TMEM234: variants seen among roughly 807,000 people sequenced by gnomAD.
The protein encoded by TMEM234 is transmembrane protein 234.
Under a neutral mutation model 17.8 loss-of-function variants are expected in TMEM234, and 21 were observed. That is an observed-to-expected ratio of 1.18 (90% CI 0.84 to 1.70). The LOEUF (loss-of-function observed/expected upper bound fraction) is 1.70. TMEM234 is among the 40% of genes most tolerant of loss of function. TMEM234 has a pLI of 0.00. For missense variants in TMEM234, 137 were observed against 166.9 expected, an observed-to-expected ratio of 0.82 and a Z score of 0.99; for synonymous variants, 83 against 73.5, an observed-to-expected ratio of 1.13 and a Z score of -0.66.
chr1:32,222,270 T>A, intron 1 of TMEM234, 37 bp downstream of exon 1: 1 of 1,532,822 alleles, frequency 6.5e-7, no homozygotes, highest in South Asian at 1.3e-5. Flanking sequence ...GAGGCGAGGG[T>A]CGGGAAATCC....
chr1:32,221,003 G>A, intron 3 of TMEM234, 128 bp downstream of exon 3: 2 of 691,070 alleles, frequency 2.9e-6, no homozygotes, highest in Non-Finnish European at 2.5e-6. Flanking sequence ...ATAGTAAGAG[G>A]GAACTAGAGC....
At chr1:32,220,536 G>C (rs1221569815) in intron 3 of TMEM234, among the ~76,000 whole-genome samples, 1 of 152,308 alleles carries the variant, frequency 6.6e-6, no homozygotes. Flanking sequence ...TGTGGGACTT[G>C]AGAGGTGAAA....
chr1:32,218,593 G>A (rs1638622179), intron 3 of TMEM234, among the ~76,000 whole-genome samples: 1 of 151,614 alleles, frequency 6.6e-6, no homozygotes, highest in African/African-American at 2.4e-5. Context: ...ACCTGAGGTT[G>A]GGAGTTAGAG....
At chr1:32,217,506 T>C in intron 3 of TMEM234, 155 bp from the exon 4 acceptor site, 1 of 1,494,780 alleles carries the variant, frequency 6.7e-7, no homozygotes, top group Non-Finnish European at 9.0e-7. Context: ...CAAACCCACA[T>C]CTCCTGACTC....
chr1:32,217,218 T>C, intron 4 of TMEM234, 41 bp downstream of exon 4: 1 of 1,614,170 alleles, frequency 6.2e-7, no homozygotes, highest in Admixed American at 1.7e-5. Flanking sequence ...TATGTCGAGA[T>C]CCACAGAGCT....
intron 3 of TMEM234, among the ~76,000 whole-genome samples, chr1:32,220,463 C>A (rs1398963913): frequency 1.3e-5 from 2 of 152,236 alleles, no homozygotes; most frequent in Non-Finnish European, 2.9e-5. Flanking sequence ...AGGCGTGAGT[C>A]ACCATGCCCA....
In TMEM234 at chr1:32,216,289, A is replaced by AGAGGGGCTGGCAGT; in HGVS notation, c.*550_*563dup. ...GGGCTCACAGCTCTCTACCTGTTTA[A>AGAGGGGCTGGCAGT]GAGGGGCTGGCAGTGAGGATTTCTG... On this transcript the variant is annotated 3_prime_UTR_variant, in exon 5 of 5. Coordinates refer to ENST00000309777, the MANE Select transcript of TMEM234 (RefSeq NM_019118.5). 6.0e-6 allele frequency: 9 copies of AGAGGGGCTGGCAGT among 1,495,708 alleles called. No homozygotes were observed. Among genetic ancestry groups the AGAGGGGCTGGCAGT allele is most frequent in the Non-Finnish European group, 8.0e-6 (9 of 1,120,166 alleles). The allele number at this position is 1,495,708 out of a possible 1,614,324, so 92.7% of individuals were successfully genotyped here. A position where few individuals can be genotyped will look rare whatever the true frequency, so the allele number is the denominator to read the frequency against.
At chr1:32,220,099 A>C (rs1476699020) in intron 3 of TMEM234, among the ~76,000 whole-genome samples, 2 of 152,256 alleles carry the variant, frequency 1.3e-5, no homozygotes, top group Non-Finnish European at 2.9e-5. Context: ...CAGCTGGTCA[A>C]GGGTTCAGCA....
intron 3 of TMEM234, among the ~76,000 whole-genome samples, chr1:32,217,899 C>T (rs981230862): frequency 6.6e-6 from 1 of 152,232 alleles, no homozygotes; most frequent in Non-Finnish European, 1.5e-5. Flanking sequence ...CGTTATTAAA[C>T]TGTGGATATA....
chr1:32,220,093 TG>T (rs762756223), intron 3 of TMEM234, among the ~76,000 whole-genome samples: 1 of 152,240 alleles, frequency 6.6e-6, no homozygotes, highest in Non-Finnish European at 1.5e-5. Context: ...TGTAGTCAGC[TG>T]GTCAAGGGTT....
chr1:32,215,753 G>C (rs1185725682), downstream of TMEM234: 1 of 1,428,682 alleles, frequency 7.0e-7, no homozygotes, highest in Non-Finnish European at 9.5e-7. Flanking sequence ...AGAGCTGGAG[G>C]CTGGCCATAC....
rs761518704 is a variant in TMEM234, at chr1:32,221,988, G to A, written c.47C>T (p.Ala16Val). 53 of 1,612,336 alleles carry A rather than the reference G, an allele frequency of 3.3e-5. No individual in the cohort carries two copies. Among genetic ancestry groups the A allele is most frequent in the Middle Eastern group, 3.5e-4 (2 of 5,666 alleles). ...GQVLALVLVA[A>V]LWGGTQPLLK... Reference sequence around the variant, plus strand: ...CAGCGGCTGCGTGCCACCCCACAGAGCGGCCACCAGCACCAGAGCCAACAC... The same window carrying A: ...CAGCGGCTGCGTGCCACCCCACAGAACGGCCACCAGCACCAGAGCCAACAC... The change falls in exon 2 of 5, where the codon GCT (alanine) becomes GTT (valine). Residue 16 changes from alanine to valine, a missense_variant. Coordinates refer to ENST00000309777, the MANE Select transcript of TMEM234 (RefSeq NM_019118.5).
intron 2 of TMEM234, 115 bp downstream of exon 2, chr1:32,221,752 T>C: frequency 6.9e-7 from 1 of 1,443,280 alleles, no homozygotes; most frequent in Non-Finnish European, 9.4e-7. Flanking sequence ...GACAACTGAC[T>C]TTTCCGAGAA....
chr1:32,214,858 C>T (rs373732799), downstream of TMEM234: 6 of 1,613,866 alleles, frequency 3.7e-6, no homozygotes, highest in African/African-American at 5.3e-5. Context: ...CGAATTAAGC[C>T]ATCTGCTTTC....
chr1:32,218,703 C>T (rs1055296540), intron 3 of TMEM234, among the ~76,000 whole-genome samples: 6 of 151,608 alleles, frequency 4.0e-5, no homozygotes, highest in African/African-American at 7.3e-5. Context: ...TTTGGGAGGC[C>T]GAGGCGGGTG....
Position 32,221,935 on chromosome 1 carries a change from G to C in TMEM234, c.100C>G (p.Arg34Gly), listed in dbSNP as rs1569843819. The C allele has an allele frequency of 6.2e-7, 1 of 1,612,058 alleles. No individual in the cohort carries two copies. The highest frequency in any genetic ancestry group is 8.5e-7 in the Non-Finnish European group (1 of 1,179,972). The change falls in exon 2 of 5, where the codon CGG becomes GGG. Residue 34 changes from arginine (R) to glycine (G), a missense_variant. Physicochemically the swap from Arg to Gly is moderately radical, Grantham distance 125. Coordinates refer to ENST00000309777, the MANE Select transcript of TMEM234 (RefSeq NM_019118.5). The part of the protein sequence containing the change: ...LLKRASAGLQ[R>G]VHEPTWAQQL... ...TGGGCCCAGGTCGGCTCATGAACCC[G>C]CTGCAGGCCGGCGGAGGCCCGCTTC...
At chr1:32,217,554 T>TCA in intron 3 of TMEM234, 2 of 1,224,266 alleles carry the variant, frequency 1.6e-6, no homozygotes, top group Non-Finnish European at 2.3e-6. Context: ...CATGAAGACC[T>TCA]GAACTCTGAG....
At chr1:32,215,406 C>A, downstream of TMEM234, 1 of 1,563,896 alleles carries the variant, frequency 6.4e-7, no homozygotes, top group Non-Finnish European at 8.7e-7. Context: ...GCTCTTCAGC[C>A]TGGGCATCAC....
downstream of TMEM234, chr1:32,215,887 T>G: frequency 6.4e-7 from 1 of 1,551,214 alleles, no homozygotes; most frequent in South Asian, 1.2e-5. Context: ...GCCCCAGCTC[T>G]GCCATCTTGA....
Sources: allele counts gnomAD v4.1 joint callset (sites outside exome capture counted in the v4.1 genomes callset), GRCh38; gene constraint gnomAD v4.1.1; transcripts MANE v1.5; gene names NCBI Gene and HGNC (gene_info 2026-07-23, HGNC 2026-07-21).